MECOM: variants seen among roughly 807,000 people sequenced by gnomAD.
MECOM encodes the protein histone-lysine N-methyltransferase MECOM.
Under a neutral mutation model 116.3 loss-of-function variants are expected in MECOM, and 13 were observed. That is an observed-to-expected ratio of 0.11 (90% CI 0.07 to 0.18). The LOEUF is 0.18. Ranked by LOEUF, MECOM falls within the 10% of genes least tolerant of loss-of-function variation. The pLI, the probability that MECOM is intolerant of heterozygous loss-of-function variation, is 1.00. For missense variants in MECOM, 1,299 were observed against 1,509.0 expected, an observed-to-expected ratio of 0.86 and a Z score of 2.31; for synonymous variants, 528 against 535.2, an observed-to-expected ratio of 0.99 and a Z score of 0.19.
intron 1 of MECOM, among the ~76,000 whole-genome samples, chr3:169,399,602 G>A (rs756561307): frequency 2.0e-5 from 3 of 152,200 alleles, no homozygotes; most frequent in Non-Finnish European, 4.4e-5. Context: ...GAATCAGAAA[G>A]AGAAGCTTTT....
At position 169,122,791 on chromosome 3, in the gene MECOM, T is replaced by C. The variant is rs981706533; in HGVS notation, c.831-64A>G. ...CATTCATAAACGGAACAACATTTTA[T>C]TGTTAATCCAACTGGTAATTAAAGA... is the stretch of plus-strand genomic sequence containing the variant. On this transcript the variant is annotated intron_variant, in intron 5 of 16. Transcript: ENST00000651503. 7.8e-6 allele frequency: 12 copies of C among 1,544,486 alleles called. No homozygotes were observed. In the South Asian group the frequency reaches 1.3e-4, roughly 17 times the overall value.
chr3:169,627,587 A>G (rs150676277), intron 1 of MECOM, among the ~76,000 whole-genome samples: 10 of 152,368 alleles, frequency 6.6e-5, no homozygotes, highest in African/African-American at 1.9e-4. Flanking sequence ...AAAAATCAGC[A>G]TTGCAATCTA....
At chr3:169,302,812 C>T (rs1298067558) in intron 2 of MECOM, among the ~76,000 whole-genome samples, 4 of 151,584 alleles carry the variant, frequency 2.6e-5, no homozygotes, top group Admixed American at 6.6e-5. Context: ...TGCAATGAGC[C>T]GAGATTGTAC....
intron 2 of MECOM, among the ~76,000 whole-genome samples, chr3:169,363,248 AG>A (rs1728596682): frequency 6.6e-6 from 1 of 151,978 alleles, no homozygotes; most frequent in South Asian, 2.1e-4. Context: ...TCTAAACTTT[AG>A]GGGAAATGTA....
At chr3:169,390,055 T>C (rs576839375) in intron 1 of MECOM, among the ~76,000 whole-genome samples, 16 of 151,988 alleles carry the variant, frequency 1.1e-4, no homozygotes, top group East Asian at 1.9e-4. Flanking sequence ...TGGCATGGAG[T>C]TGTGCTTGCG....
chr3:169,615,830 T>G (rs192866556), intron 1 of MECOM, among the ~76,000 whole-genome samples: 22 of 152,252 alleles, frequency 1.4e-4, no homozygotes, highest in African/African-American at 5.3e-4. Context: ...TACAAGCATT[T>G]CTTGGACTAG....
At chr3:169,092,577 C>T (rs1165066553) in intron 14 of MECOM, among the ~76,000 whole-genome samples, 1 of 151,934 alleles carries the variant, frequency 6.6e-6, no homozygotes, top group Admixed American at 6.6e-5. Context: ...TCTTCTACTT[C>T]TGAAATTTTG....
chr3:169,524,410 A>G (rs953555734), intron 1 of MECOM, among the ~76,000 whole-genome samples: 1 of 152,174 alleles, frequency 6.6e-6, no homozygotes, highest in Non-Finnish European at 1.5e-5. Flanking sequence ...AGGAAGAATT[A>G]AAGAGATTGG....
chr3:169,100,012 T>C (rs1228277808), intron 12 of MECOM, among the ~76,000 whole-genome samples: 1 of 152,018 alleles, frequency 6.6e-6, no homozygotes, highest in African/African-American at 2.4e-5. Flanking sequence ...CTCTATTTTA[T>C]CTGTCCTACC....
intron 1 of MECOM, among the ~76,000 whole-genome samples, chr3:169,625,660 A>G (rs973842540): frequency 1.3e-5 from 2 of 152,228 alleles, no homozygotes; most frequent in South Asian, 2.1e-4. Flanking sequence ...CTTTCCACAA[A>G]TCACTTCACT....
intron 1 of MECOM, among the ~76,000 whole-genome samples, chr3:169,561,143 A>C (rs59525264): frequency 0.011 from 1,736 of 152,030 alleles, 32 homozygotes; most frequent in African/African-American, 0.039. Context: ...ATATTAACAA[A>C]AATTTAAAAG....
intron 1 of MECOM, among the ~76,000 whole-genome samples, chr3:169,532,961 T>G (rs541950831): frequency 2.0e-5 from 3 of 152,314 alleles, no homozygotes; most frequent in Non-Finnish European, 4.4e-5. Context: ...GAAGGTGGTA[T>G]AGACAGTATA....
intron 1 of MECOM, among the ~76,000 whole-genome samples, chr3:169,411,711 C>T (rs11929401): frequency 0.09 from 13,639 of 152,298 alleles, 761 homozygotes; most frequent in African/African-American, 0.15. Context: ...GAATTTCTGA[C>T]TGGGCGCAGT....
intron 2 of MECOM, among the ~76,000 whole-genome samples, chr3:169,208,294 T>C (rs1276362872): frequency 6.7e-6 from 1 of 148,340 alleles, no homozygotes; most frequent in Non-Finnish European, 1.5e-5. Flanking sequence ...TATTACATTA[T>C]ATATACATTA....
intron 1 of MECOM, among the ~76,000 whole-genome samples, chr3:169,570,084 G>A (rs1425831031): frequency 2.0e-5 from 3 of 151,964 alleles, no homozygotes; most frequent in South Asian, 2.1e-4. Context: ...TAGATAGATC[G>A]CTAGCCAGAC....
At chr3:169,312,630 G>A (rs796816304) in intron 2 of MECOM, among the ~76,000 whole-genome samples, 8 of 152,216 alleles carry the variant, frequency 5.3e-5, no homozygotes, top group African/African-American at 1.2e-4. Flanking sequence ...CGCCCGCCTC[G>A]GCCTCCCAAA....
intron 1 of MECOM, among the ~76,000 whole-genome samples, chr3:169,550,502 C>T (rs747289418): frequency 1.3e-5 from 2 of 152,202 alleles, no homozygotes; most frequent in African/African-American, 2.4e-5. Context: ...AGTAACAGAA[C>T]CAGGCTACGC....
chr3:169,208,647 A>G (rs1380435739), intron 2 of MECOM, among the ~76,000 whole-genome samples: 1 of 152,130 alleles, frequency 6.6e-6, no homozygotes, highest in African/African-American at 2.4e-5. Flanking sequence ...AGGGATGTGA[A>G]GGACCTCTTC....
intron 1 of MECOM, among the ~76,000 whole-genome samples, chr3:169,491,412 T>C (rs1475969572): frequency 6.6e-6 from 1 of 152,138 alleles, no homozygotes; most frequent in Non-Finnish European, 1.5e-5. Context: ...GACTTTTAAG[T>C]ATCAGTAATT....
Sources: gnomAD v4.1 joint callset for allele counts (sites outside exome capture counted in the v4.1 genomes callset) on GRCh38, gnomAD v4.1.1 for gene constraint, MANE v1.5 for transcripts, NCBI Gene and HGNC (gene_info 2026-07-23, HGNC 2026-07-21) for gene names.